The following PDE4D variants were observed in gnomAD, a reference collection of about 807,000 sequenced individuals.
The protein encoded by PDE4D is 3',5'-cyclic-AMP phosphodiesterase 4D.
Under a neutral mutation model 87.4 loss-of-function variants are expected in PDE4D, and 24 were observed. The ratio of observed to expected loss-of-function variants is 0.27; its 90% confidence interval spans 0.20 to 0.39. PDE4D has a LOEUF of 0.39. Ranked by LOEUF, PDE4D falls within the 10% of genes least tolerant of loss-of-function variation. The probability of loss-of-function intolerance (pLI) is 1.00; values close to 1 mark genes in which losing one functional copy is unlikely to be tolerated. For missense variants in PDE4D, 714 were observed against 1,041.0 expected (o/e 0.69, Z 4.32); for synonymous variants, 384 against 383.2 (o/e 1.00, Z -0.02).
intron 1 of PDE4D, among the ~76,000 whole-genome samples, chr5:59,360,216 A>G (rs550970066): frequency 6.6e-6 from 1 of 152,310 alleles, no homozygotes; most frequent in East Asian, 1.9e-4. Context: ...GCATTCAATT[A>G]CTTGCGCATC....
At chr5:59,746,292 C>T (rs10061253) in intron 1 of PDE4D, among the ~76,000 whole-genome samples, 98,295 of 151,912 alleles carry the variant, frequency 0.65, 33,044 homozygotes, top group African/African-American at 0.8. Flanking sequence ...GGAGCATACA[C>T]ACACGGCCAA....
At chr5:59,665,435 C>T (rs191943666) in intron 1 of PDE4D, among the ~76,000 whole-genome samples, 2 of 152,130 alleles carry the variant, frequency 1.3e-5, no homozygotes, top group East Asian at 3.9e-4. Flanking sequence ...TTATTTTTCC[C>T]AACATAAAAT....
At chr5:59,426,486 A>G (rs1795231290) in intron 1 of PDE4D, among the ~76,000 whole-genome samples, 1 of 152,092 alleles carries the variant, frequency 6.6e-6, no homozygotes. Flanking sequence ...AAGGATTTAG[A>G]AAAACAGAGG....
At chr5:60,328,284 C>T (rs75164526) in intron 1 of PDE4D, among the ~76,000 whole-genome samples, 1 of 152,090 alleles carries the variant, frequency 6.6e-6, no homozygotes, top group African/African-American at 2.4e-5. Flanking sequence ...GTTTTGGTCA[C>T]CTTTCTGAGA....
chr5:59,076,573 T>G (rs981713016), intron 5 of PDE4D, among the ~76,000 whole-genome samples: 1 of 152,156 alleles, frequency 6.6e-6, no homozygotes, highest in Admixed American at 6.6e-5. Context: ...AATTAACAAG[T>G]GTGATAAATA....
chr5:59,055,422 A>G (rs575119843), intron 5 of PDE4D, among the ~76,000 whole-genome samples: 1 of 152,234 alleles, frequency 6.6e-6, no homozygotes, highest in African/African-American at 2.4e-5. Context: ...AAGTCCCTAT[A>G]AAATCTACCT....
intron 5 of PDE4D, among the ~76,000 whole-genome samples, chr5:59,149,511 C>T (rs999004161): frequency 1.3e-5 from 2 of 152,038 alleles, no homozygotes; most frequent in Non-Finnish European, 2.9e-5. Flanking sequence ...GGATTTCAGG[C>T]ACAAGTTACA....
chr5:59,275,221 G>C (rs190082443), intron 1 of PDE4D: 3 of 777,286 alleles, frequency 3.9e-6, no homozygotes, highest in Admixed American at 2.7e-5. Flanking sequence ...GAATAAAAGA[G>C]CCGCCAATAC....
chr5:59,663,441 G>T (rs1745576801), intron 1 of PDE4D, among the ~76,000 whole-genome samples: 1 of 152,218 alleles, frequency 6.6e-6, no homozygotes, highest in Non-Finnish European at 1.5e-5. Context: ...AAAGTTCTGG[G>T]ATAACAGGCA....
At chr5:59,048,076 C>T (rs1272795822) in intron 5 of PDE4D, among the ~76,000 whole-genome samples, 4 of 152,076 alleles carry the variant, frequency 2.6e-5, no homozygotes, top group Non-Finnish European at 5.9e-5. Flanking sequence ...CAGTACAGAC[C>T]GTATATACCC....
intron 1 of PDE4D, among the ~76,000 whole-genome samples, chr5:59,345,786 C>T (rs960176184): frequency 6.6e-6 from 1 of 152,160 alleles, no homozygotes. Context: ...TATAGAAACA[C>T]ATTTGGCAAT....
At chr5:59,468,200 G>A (rs968582468) in intron 1 of PDE4D, among the ~76,000 whole-genome samples, 25 of 151,830 alleles carry the variant, frequency 1.6e-4, no homozygotes, top group Admixed American at 3.9e-4. Flanking sequence ...TTACTTGCAC[G>A]GCAACAATCC....
chr5:59,714,207 G>C (rs1309221052), intron 1 of PDE4D, among the ~76,000 whole-genome samples: 3 of 152,358 alleles, frequency 2.0e-5, no homozygotes, highest in East Asian at 1.9e-4. Context: ...GGTTGACTGA[G>C]AGAAAATCGA....
At chr5:59,770,808 A>G (rs758268641) in intron 1 of PDE4D, among the ~76,000 whole-genome samples, 9 of 152,102 alleles carry the variant, frequency 5.9e-5, no homozygotes, top group Non-Finnish European at 1.2e-4. Flanking sequence ...ATTTTTTGCC[A>G]GACACTATAA....
chr5:59,092,917 C>T (rs563016565), intron 5 of PDE4D, among the ~76,000 whole-genome samples: 4 of 152,294 alleles, frequency 2.6e-5, no homozygotes, highest in African/African-American at 9.6e-5. Flanking sequence ...CCTCAGCTAT[C>T]GTTCCCCTGG....
In PDE4D at chr5:58,969,251, C is replaced by G. The variant is rs538935097; in HGVS notation, c.*5413G>C. On this transcript the variant is annotated 3_prime_UTR_variant, in exon 15 of 15. Coordinates refer to ENST00000340635, the MANE Select transcript of PDE4D (RefSeq NM_001104631.2). ...GGGAGAGACAGATAACAAAAACAAA[C>G]ACGTATATAAATCTGTGAGAAGTGT... The G allele has an allele frequency of 6.6e-6, 1 of 152,246 alleles. No individual in the cohort carries two copies. Among genetic ancestry groups the G allele is most frequent in the East Asian group, 1.9e-4 (1 of 5,176 alleles). The allele number at this position is 152,246 out of a possible 1,614,324, so 9.4% of individuals were successfully genotyped here.
intron 3 of PDE4D, among the ~76,000 whole-genome samples, chr5:59,949,738 T>C (rs1262986514): frequency 6.6e-6 from 1 of 152,204 alleles, no homozygotes; most frequent in Non-Finnish European, 1.5e-5. Flanking sequence ...TGAGATTACA[T>C]GCATTATCTA....
At chr5:60,295,597 T>G (rs987833687) in intron 1 of PDE4D, among the ~76,000 whole-genome samples, 1 of 152,160 alleles carries the variant, frequency 6.6e-6, no homozygotes, top group Non-Finnish European at 1.5e-5. Context: ...ACCAACTAGA[T>G]GGCAGTAGCA....
At chr5:59,121,189 T>C (rs552887425) in intron 5 of PDE4D, among the ~76,000 whole-genome samples, 18 of 152,218 alleles carry the variant, frequency 1.2e-4, no homozygotes, top group Non-Finnish European at 2.6e-4. Flanking sequence ...CGACCAAAAA[T>C]AGATAAATGG....
Sources: gnomAD v4.1 joint callset for allele counts (sites outside exome capture counted in the v4.1 genomes callset) on GRCh38, gnomAD v4.1.1 for gene constraint, MANE v1.5 for transcripts, NCBI Gene and HGNC (gene_info 2026-07-23, HGNC 2026-07-21) for gene names.